PADI6: variants seen among roughly 807,000 people sequenced by gnomAD.
The protein encoded by PADI6 is inactive protein-arginine deiminase type-6.
A neutral mutation model predicts 78.2 loss-of-function variants in PADI6; 66 were observed. That is an observed-to-expected ratio of 0.84 (90% confidence interval 0.69 to 1.04). PADI6 has a LOEUF of 1.04. Among genes scored for constraint, PADI6 ranks in the 50% least tolerant of loss-of-function variants. The probability of loss-of-function intolerance (pLI) is 0.00; values close to 1 mark genes in which losing one functional copy is unlikely to be tolerated. For missense variants in PADI6, 854 were observed against 866.1 expected (o/e 0.99, Z 0.18); for synonymous variants, 397 against 346.9 (o/e 1.14, Z -1.60).
intron 13 of PADI6, 31 bp from the exon 14 acceptor site, chr1:17,397,040 C>T (rs1004991255): frequency 5.6e-6 from 9 of 1,607,822 alleles, no homozygotes; most frequent in Admixed American, 1.7e-5. Context: ...ATTCCCTGAC[C>T]AGCAGGCCTG....
intron 14 of PADI6, 33 bp from the exon 15 acceptor site, chr1:17,398,653 C>CCGGGGGGG: frequency 7.4e-6 from 1 of 135,092 alleles, no homozygotes; most frequent in African/African-American, 5.3e-5. Flanking sequence ...CTTGCTCCCC[C>CCGGGGGGG]GCCCCCCCCC....
At chr1:17,383,344 A>G (rs2075090496) in intron 6 of PADI6, among the ~76,000 whole-genome samples, 1 of 152,226 alleles carries the variant, frequency 6.6e-6, no homozygotes, top group African/African-American at 2.4e-5. Context: ...GGACGTGGCC[A>G]TCTTACACAT....
intron 15 of PADI6, among the ~76,000 whole-genome samples, chr1:17,400,186 G>C (rs937463580): frequency 6.9e-6 from 1 of 144,874 alleles, no homozygotes; most frequent in African/African-American, 2.6e-5. Context: ...AACAAACCAA[G>C]ACCTTGTCTG....
At chr1:17,385,960 C>T (rs2075114981) in intron 6 of PADI6, among the ~76,000 whole-genome samples, 1 of 152,172 alleles carries the variant, frequency 6.6e-6, no homozygotes, top group Non-Finnish European at 1.5e-5. Flanking sequence ...GAAGAATAAA[C>T]CATGTTACCT....
At chr1:17,394,148 A>AT (rs2075221103) in intron 10 of PADI6, 66 bp downstream of exon 10, 1 of 1,571,122 alleles carries the variant, frequency 6.4e-7, no homozygotes, top group Non-Finnish European at 8.7e-7. Flanking sequence ...CTGCCTAGAA[A>AT]TAATGGGGCA....
At chr1:17,382,384 C>T (rs532044922) in intron 6 of PADI6, among the ~76,000 whole-genome samples, 242 of 152,316 alleles carry the variant, frequency 1.6e-3, no homozygotes, top group Non-Finnish European at 2.5e-3. Context: ...AGAGACATAT[C>T]CACTGAAACA....
intron 4 of PADI6, among the ~76,000 whole-genome samples, chr1:17,380,537 T>G (rs572375171): frequency 4.3e-4 from 65 of 152,350 alleles, no homozygotes; most frequent in Admixed American, 3.1e-3. Flanking sequence ...CTGGCTAGTT[T>G]TTTTTGTATT....
intron 9 of PADI6, among the ~76,000 whole-genome samples, chr1:17,393,117 G>A (rs561370842): frequency 2.6e-5 from 4 of 152,262 alleles, no homozygotes; most frequent in African/African-American, 9.6e-5. Flanking sequence ...CTACACTCCA[G>A]CCTGGATGAC....
chr1:17,377,876 A>AT (rs2075034532), intron 3 of PADI6, among the ~76,000 whole-genome samples: 1 of 152,166 alleles, frequency 6.6e-6, no homozygotes, highest in Admixed American at 6.5e-5. Context: ...TAAGTGGAAT[A>AT]TTGGAATAAC....
rs1237984002 is a variant in PADI6, at chr1:17,379,961, G to C, written c.409G>C (p.Glu137Gln). 3 of 1,613,554 alleles carry C rather than the reference G, an allele frequency of 1.9e-6. No individual in the cohort carries two copies. The highest frequency in any genetic ancestry group is 2.5e-6 in the Non-Finnish European group (3 of 1,179,610). The change falls in exon 4 of 16, where the codon GAG (glutamate) becomes CAG (glutamine). Residue 137 changes from glutamate (E) to glutamine (Q), a missense_variant. Physicochemically the swap from Glu to Gln is conservative, Grantham distance 29. Transcript: ENST00000619609. Reference sequence around the variant, plus strand: ...AGACATCTACCGCAATGGGCAAGTTGAGATGTCAAGTGACAAACAGGCTAA... The same window carrying C: ...AGACATCTACCGCAATGGGCAAGTTCAGATGTCAAGTGACAAACAGGCTAA... ...EVDIYRNGQV[E>Q]MSSDKQAKKK...
rs551535333 is a variant in PADI6, at chr1:17,392,481, A to G, written c.1074+256A>G. Among the ~76,000 whole-genome samples the G allele has an allele frequency of 2.0e-5, 3 of 152,280 alleles. No homozygotes were observed. In the South Asian group the frequency reaches 6.2e-4, roughly 32 times the overall value. ...TCAAGACCACAGAACCCTAACCCCC[A>G]GGCCCCGGAAGGCTCTGATACCTTT... is the stretch of plus-strand genomic sequence containing the variant. On this transcript the variant is annotated intron_variant, in intron 9 of 15. Coordinates refer to ENST00000619609, the MANE Select transcript of PADI6 (RefSeq NM_207421.4).
intron 3 of PADI6, among the ~76,000 whole-genome samples, chr1:17,378,957 G>GC (rs1491091992): frequency 7.4e-6 from 1 of 135,662 alleles, no homozygotes; most frequent in African/African-American, 3.1e-5. Flanking sequence ...ATTTTTTTTG[G>GC]GGGGGGGGAC....
chr1:17,386,684 G>A (rs2075122860), intron 6 of PADI6, among the ~76,000 whole-genome samples: 1 of 152,196 alleles, frequency 6.6e-6, no homozygotes, highest in Admixed American at 6.5e-5. Flanking sequence ...TGGTCCCGGT[G>A]GGCCCAGTTC....
In PADI6 at chr1:17,378,421, C is replaced by T. The variant is rs546209712; in HGVS notation, c.368-1499C>T. 8.5e-5 allele frequency among the ~76,000 whole-genome samples: 13 copies of T among 152,258 alleles called. No homozygotes were observed. In the South Asian group the frequency reaches 2.3e-3, roughly 27 times the overall value. On this transcript the variant is annotated intron_variant, in intron 3 of 15. Coordinates refer to ENST00000619609, the MANE Select transcript of PADI6 (RefSeq NM_207421.4). ...TGTAACAGCAAACAAGTCCTGCGTT[C>T]GTGGCCCTGATATTCCAGTTGGGAA... is the stretch of plus-strand genomic sequence containing the variant.
Position 17,395,695 on chromosome 1 carries a change from T to A in PADI6, c.1618+32T>A, listed in dbSNP as rs745598134. The stretch of plus-strand genomic sequence containing the variant: ...GAACTCCCTTTCCACAGAACAGAAC[T>A]GGGGTCTTCCTTTTTCCAGGGGTCC... On this transcript the variant is annotated intron_variant, in intron 13 of 15. Coordinates refer to ENST00000619609, the MANE Select transcript of PADI6 (RefSeq NM_207421.4). 1.0e-5 allele frequency: 16 copies of A among 1,582,912 alleles called. No homozygotes were observed. The African/African-American group carries it at 2.0e-4, about 20-fold the overall frequency.
chr1:17,393,811 G>GAGA (rs1553153934), intron 9 of PADI6, among the ~76,000 whole-genome samples, 164 bp from the exon 10 acceptor site: 1 of 152,156 alleles, frequency 6.6e-6, no homozygotes, highest in Non-Finnish European at 1.5e-5. Flanking sequence ...GAGTAGGGGA[G>GAGA]AGAGGGATCG....
intron 5 of PADI6, among the ~76,000 whole-genome samples, 179 bp downstream of exon 5, chr1:17,381,343 A>G (rs1034607806): frequency 6.6e-6 from 1 of 152,172 alleles, no homozygotes; most frequent in African/African-American, 2.4e-5. Context: ...GGGTAAGAGA[A>G]GTCACATAGC....
intron 11 of PADI6, 122 bp from the exon 12 acceptor site, chr1:17,394,829 G>T: frequency 8.4e-7 from 1 of 1,197,074 alleles, no homozygotes; most frequent in Non-Finnish European, 1.1e-6. Context: ...ATCCGCTATG[G>T]ACCGGCCTCT....
chr1:17,374,697 C>A (rs2074997884), intron 2 of PADI6, among the ~76,000 whole-genome samples: 1 of 152,130 alleles, frequency 6.6e-6, no homozygotes, highest in Non-Finnish European at 1.5e-5. Flanking sequence ...ACCTGAGAAC[C>A]ATTCTCTGCC....
Sources: gnomAD v4.1 joint callset for allele counts (sites outside exome capture counted in the v4.1 genomes callset) on GRCh38, gnomAD v4.1.1 for gene constraint, MANE v1.5 for transcripts, NCBI Gene and HGNC (gene_info 2026-07-23, HGNC 2026-07-21) for gene names.